Variants in DOP1B observed in about 807,000 individuals in gnomAD.
DOP1B encodes the protein protein DOP1B.
A neutral mutation model predicts 233.5 loss-of-function variants in DOP1B; 174 were observed. That is an observed-to-expected ratio of 0.75 (90% CI 0.66 to 0.85). DOP1B has a LOEUF of 0.85. Ranked by LOEUF, DOP1B falls within the 40% of genes least tolerant of loss-of-function variation. The pLI, the probability that DOP1B is intolerant of heterozygous loss-of-function variation, is 0.00. For missense variants in DOP1B, 2,652 were observed against 2,846.6 expected (o/e 0.93, Z 1.56); for synonymous variants, 1,190 against 1,185.6 (o/e 1.00, Z -0.08).
chr21:36,279,483 C>T (rs921466221), intron 30 of DOP1B, among the ~76,000 whole-genome samples: 11 of 152,112 alleles, frequency 7.2e-5, no homozygotes, highest in African/African-American at 2.2e-4. Flanking sequence ...GAAGGCTTAG[C>T]GATAGAGGGT....
chr21:36,209,507 A>G (rs1001235601), intron 5 of DOP1B, among the ~76,000 whole-genome samples: 38 of 152,218 alleles, frequency 2.5e-4, no homozygotes, highest in African/African-American at 8.9e-4. Context: ...CTCTGCACGC[A>G]GAGGGTCTGC....
At position 36,246,499 on chromosome 21, in the gene DOP1B, C is replaced by G; in HGVS notation, c.4519C>G (p.Leu1507Val). Reference sequence around the variant, plus strand: ...TCTGGTCTCTGCGGTGGTGAGGGGTCTGCAGCCCGCCTACGGTTACGGCAT... The same window carrying G: ...TCTGGTCTCTGCGGTGGTGAGGGGTGTGCAGCCCGCCTACGGTTACGGCAT... The part of the protein sequence containing the change: ...GLLVSAVVRG[L>V]QPAYGYGMHP... Residue 1507 changes from leucine (L) to valine (V), a missense_variant, in exon 19 of 37, where the codon CTG (leucine) becomes GTG (valine). Transcript: ENST00000691173. This position sits in a 1 kb window ranked among gnomAD's most constrained non-coding sequence, Gnocchi z 5.1. 1 of 1,614,152 alleles carries G rather than the reference C, an allele frequency of 6.2e-7. No homozygotes were observed. The highest frequency in any genetic ancestry group is 2.2e-5 in the East Asian group (1 of 44,878).
chr21:36,264,959 T>C (rs562733725), intron 26 of DOP1B, among the ~76,000 whole-genome samples: 4 of 152,314 alleles, frequency 2.6e-5, no homozygotes, highest in African/African-American at 9.6e-5. Context: ...TGCAAACCAT[T>C]ATAGACATTG....
intron 21 of DOP1B, among the ~76,000 whole-genome samples, chr21:36,249,912 C>T (rs2067013655): frequency 6.6e-6 from 1 of 152,128 alleles, no homozygotes; most frequent in South Asian, 2.1e-4. Context: ...CCTATAAGAA[C>T]CTGCTCTTAA....
intron 13 of DOP1B, 118 bp from the exon 14 acceptor site, chr21:36,230,332 C>T: frequency 1.6e-6 from 2 of 1,230,006 alleles, no homozygotes; most frequent in Non-Finnish European, 2.2e-6. Flanking sequence ...CAGGGATTCT[C>T]TAGTCTGGAG....
intron 18 of DOP1B, among the ~76,000 whole-genome samples, chr21:36,241,693 C>CTTTTTTTTTTT (rs58454212): frequency 2.8e-5 from 3 of 105,544 alleles, no homozygotes; most frequent in African/African-American, 3.7e-5. Flanking sequence ...TTCTTTCTTT[C>CTTTTTTTTTTT]TTTTTTTTTT....
At chr21:36,286,346 A>G (rs2067483914) in intron 32 of DOP1B, among the ~76,000 whole-genome samples, 2 of 152,078 alleles carry the variant, frequency 1.3e-5, no homozygotes, top group Non-Finnish European at 2.9e-5. Context: ...CAAAAAAGAA[A>G]GGTCAAAGAC....
chr21:36,193,690 C>T (rs1601400296), intron 2 of DOP1B, among the ~76,000 whole-genome samples: 1 of 152,202 alleles, frequency 6.6e-6, no homozygotes, highest in South Asian at 2.1e-4. Context: ...CTGGTGCTGG[C>T]CTTCAGTGAG....
chr21:36,223,356 T>C lies in DOP1B; in HGVS notation c.1370+6T>C. On this transcript the variant is annotated splice_donor_region_variant and intron_variant, in intron 11 of 36. Coordinates refer to ENST00000691173, the MANE Select transcript of DOP1B (RefSeq NM_001320714.2). ...TGTTTTGAGGAATGCTTTAGGTAAG[T>C]ATGCAGTTCAAGAATGCAGAATATT... 6.2e-7 allele frequency: 1 copy of C among 1,607,550 alleles called. No homozygotes were observed. Among genetic ancestry groups the C allele is most frequent in the Non-Finnish European group, 8.5e-7 (1 of 1,178,572 alleles).
At position 36,247,636 on chromosome 21, in the gene DOP1B, T is replaced by G; in HGVS notation, c.4809+8T>G. On this transcript the variant is annotated splice_region_variant and intron_variant, in intron 20 of 36. Coordinates refer to ENST00000691173, the MANE Select transcript of DOP1B (RefSeq NM_001320714.2). ...GCCAACCAAAACAAAAAGGTAAATTTTTTTTTTTCCTGAGTTCAAGGCAAT... is the reference window on the plus strand; with the variant it reads ...GCCAACCAAAACAAAAAGGTAAATTGTTTTTTTTCCTGAGTTCAAGGCAAT... The G allele has an allele frequency of 6.3e-7, 1 of 1,585,132 alleles. No individual in the cohort carries two copies. Among genetic ancestry groups the G allele is most frequent in the East Asian group, 2.2e-5 (1 of 44,592 alleles).
intron 2 of DOP1B, among the ~76,000 whole-genome samples, chr21:36,198,833 G>T (rs2066324083): frequency 6.6e-6 from 1 of 152,198 alleles, no homozygotes; most frequent in African/African-American, 2.4e-5. Context: ...GGGCTCAGAG[G>T]TGTGACCGAG....
intron 11 of DOP1B, among the ~76,000 whole-genome samples, chr21:36,223,664 C>T (rs1165218350): frequency 2.6e-5 from 4 of 152,102 alleles, no homozygotes; most frequent in African/African-American, 4.8e-5. Flanking sequence ...CCTGGCTGCC[C>T]GATCTATTGA....
chr21:36,180,345 G>A (rs1411934986), intron 2 of DOP1B, among the ~76,000 whole-genome samples: 3 of 152,068 alleles, frequency 2.0e-5, no homozygotes, highest in Non-Finnish European at 2.9e-5. Context: ...GAGGCAGGCA[G>A]ATCACCTGAG....
chr21:36,285,236 T>G (rs373054244), intron 32 of DOP1B, among the ~76,000 whole-genome samples: 29 of 152,198 alleles, frequency 1.9e-4, no homozygotes, highest in East Asian at 5.8e-4. Flanking sequence ...ATTTTTGTAT[T>G]TTTAGTAGAG....
intron 27 of DOP1B, among the ~76,000 whole-genome samples, chr21:36,275,284 A>G (rs952979093): frequency 1.3e-5 from 2 of 152,238 alleles, no homozygotes; most frequent in South Asian, 2.1e-4. Context: ...GATTGGGATC[A>G]TAAATGGAAT....
At chr21:36,241,095 C>T (rs2066886986) in intron 18 of DOP1B, among the ~76,000 whole-genome samples, 1 of 151,912 alleles carries the variant, frequency 6.6e-6, no homozygotes, top group Non-Finnish European at 1.5e-5. Context: ...GAGATCGAGA[C>T]CATCCTGGCT....
rs79934638 is a variant in DOP1B at position 36,202,949 on chromosome 21, T to C, written c.491+2448T>C. ...TGTGTTTGTGTTCTGATGACAGATA[T>C]GTGAGTATACATCCTACATGATTTT... is the stretch of plus-strand genomic sequence containing the variant. On this transcript the variant is annotated intron_variant, in intron 4 of 36. Transcript: ENST00000691173. Among the ~76,000 whole-genome samples, 961 of 152,346 alleles carry C rather than the reference T, an allele frequency of 6.3e-3. 5 individuals are homozygous for C. The highest frequency in any genetic ancestry group is 7.6e-3 in the Non-Finnish European group (519 of 68,036).
At chr21:36,158,050 C>T (rs896027441) in intron 1 of DOP1B, among the ~76,000 whole-genome samples, 1 of 152,076 alleles carries the variant, frequency 6.6e-6, no homozygotes, top group African/African-American at 2.4e-5. Context: ...CCTTCCACCT[C>T]GGCCTCTTAA....
chr21:36,246,666 G>T lies in DOP1B; in HGVS notation c.4686G>T (p.Lys1562Asn), dbSNP rs775786551. ...LVKQYESESV[K>N]LSVSTTSKRE... ...AGCAGTATGAAAGCGAATCTGTGAA[G>T]CTCTCTGTCAGGTGCGTTACGCTCC... The change falls in exon 19 of 37, where the codon AAG becomes AAT. Residue 1562 changes from lysine (K) to asparagine (N), a missense_variant. Around this residue, in one of 3 missense-constraint regions of DOP1B, gnomAD observed 2,617 missense variants for 2,794.3 expected, o/e 0.94. Coordinates refer to ENST00000691173, the MANE Select transcript of DOP1B (RefSeq NM_001320714.2). This position sits in a 1 kb window ranked among gnomAD's most constrained non-coding sequence, Gnocchi z 5.1. The T allele has an allele frequency of 6.2e-7, 1 of 1,610,092 alleles. No homozygotes were observed. The highest frequency in any genetic ancestry group is 1.1e-5 in the South Asian group (1 of 91,032).
Sources: allele counts gnomAD v4.1 joint callset (sites outside exome capture counted in the v4.1 genomes callset), GRCh38; gene constraint gnomAD v4.1.1; regional missense constraint gnomAD v4.1.1; non-coding constraint Gnocchi (gnomAD v3.1); transcripts MANE v1.5; gene names NCBI Gene and HGNC (gene_info 2026-07-23, HGNC 2026-07-21).